The following TENM3 variants were observed in gnomAD, a reference collection of about 807,000 sequenced individuals.
The protein encoded by TENM3 is teneurin-3.
Under a neutral mutation model 255.1 loss-of-function variants are expected in TENM3, and 63 were observed. That is an observed-to-expected ratio of 0.25 (90% CI 0.20 to 0.30). The LOEUF (loss-of-function observed/expected upper bound fraction) is 0.30, where lower values mean the gene tolerates loss of function less well. Among genes scored for constraint, TENM3 ranks in the 10% least tolerant of loss-of-function variants. TENM3 has a pLI of 1.00. For missense variants in TENM3, 2,929 were observed against 3,461.1 expected, an observed-to-expected ratio of 0.85 and a Z score of 3.86; for synonymous variants, 1,306 against 1,322.3, an observed-to-expected ratio of 0.99 and a Z score of 0.27.
intron 3 of TENM3, among the ~76,000 whole-genome samples, chr4:182,391,799 C>T (rs376586842): frequency 3.3e-5 from 5 of 152,126 alleles, no homozygotes; most frequent in Non-Finnish European, 5.9e-5. Context: ...TATTGACTAA[C>T]GCCATAGTGA....
At chr4:181,674,348 T>C in the TENM3 span, among the ~76,000 whole-genome samples, 52 of 152,100 alleles carry the variant, frequency 3.4e-4, no homozygotes, top group African/African-American at 1.2e-3. Flanking sequence ...GCAATAATAA[T>C]CTTATTAGTG....
intron 2 of TENM3, among the ~76,000 whole-genome samples, chr4:182,328,085 C>G (rs1763524799): frequency 6.6e-6 from 1 of 152,184 alleles, no homozygotes; most frequent in South Asian, 2.1e-4. Flanking sequence ...CTTTGGGGCC[C>G]TAACCCAAAG....
intron 6 of TENM3, among the ~76,000 whole-genome samples, chr4:182,671,932 A>G (rs1424379135): frequency 1.3e-5 from 2 of 150,236 alleles, no homozygotes; most frequent in African/African-American, 4.8e-5. Flanking sequence ...CCCAGGCTGG[A>G]CTTTAACTCC....
At chr4:182,618,406 CTTAT>C (rs1026379337) in intron 4 of TENM3, among the ~76,000 whole-genome samples, 2 of 152,000 alleles carry the variant, frequency 1.3e-5, no homozygotes, top group African/African-American at 2.4e-5. Flanking sequence ...TGTATTATGA[CTTAT>C]TTAATTTTGT....
intron 25 of TENM3, among the ~76,000 whole-genome samples, chr4:182,791,524 A>C (rs1766101989): frequency 6.6e-6 from 1 of 152,236 alleles, no homozygotes; most frequent in South Asian, 2.1e-4. Flanking sequence ...TTTAGCACCA[A>C]AGCAGTATGT....
At chr4:181,780,805 G>A in the TENM3 span, among the ~76,000 whole-genome samples, 12 of 152,204 alleles carry the variant, frequency 7.9e-5, no homozygotes, top group African/African-American at 2.9e-4. Context: ...TGTATAAGGT[G>A]TAAGGAAGGG....
chr4:181,798,912 G>T, the TENM3 span, among the ~76,000 whole-genome samples: 1 of 152,156 alleles, frequency 6.6e-6, no homozygotes, highest in Admixed American at 6.5e-5. Flanking sequence ...GAAAATACCA[G>T]AAAAGGAAAC....
At chr4:182,516,533 T>A (rs1737968201) in intron 3 of TENM3, among the ~76,000 whole-genome samples, 1 of 148,402 alleles carries the variant, frequency 6.7e-6, no homozygotes, top group Non-Finnish European at 1.5e-5. Context: ...TATTACGAAT[T>A]TTTTTTAGAG....
At chr4:181,568,510 C>A in the TENM3 span, among the ~76,000 whole-genome samples, 1 of 152,108 alleles carries the variant, frequency 6.6e-6, no homozygotes, top group African/African-American at 2.4e-5. Context: ...TCTTTTACTG[C>A]TACCATCTTG....
chr4:182,244,518 G>C (rs1461307630), intron 1 of TENM3, among the ~76,000 whole-genome samples: 1 of 152,168 alleles, frequency 6.6e-6, no homozygotes, highest in African/African-American at 2.4e-5. Flanking sequence ...CAGCCTCCAG[G>C]GTAGCTAATG....
chr4:181,542,115 A>G, the TENM3 span, among the ~76,000 whole-genome samples: 105 of 152,346 alleles, frequency 6.9e-4, 1 homozygote, highest in African/African-American at 2.1e-3. Flanking sequence ...ATGTAAAGGA[A>G]CAAGATATTT....
At chr4:182,441,622 C>G (rs1772494781) in intron 3 of TENM3, among the ~76,000 whole-genome samples, 1 of 152,192 alleles carries the variant, frequency 6.6e-6, no homozygotes, top group African/African-American at 2.4e-5. Context: ...CTCAGCCTCC[C>G]TAGTAGCTGG....
At chr4:181,924,822 T>C in the TENM3 span, among the ~76,000 whole-genome samples, 1 of 152,222 alleles carries the variant, frequency 6.6e-6, no homozygotes, top group African/African-American at 2.4e-5. Flanking sequence ...TGGGGTTCTC[T>C]TCTCTACTCA....
chr4:182,269,598 C>G (rs1181241372), intron 1 of TENM3, among the ~76,000 whole-genome samples: 1 of 151,978 alleles, frequency 6.6e-6, no homozygotes, highest in Non-Finnish European at 1.5e-5. Flanking sequence ...CCCTGCTTGA[C>G]TTCCTCTCCA....
At chr4:182,114,924 A>G in the TENM3 span, among the ~76,000 whole-genome samples, 1 of 152,160 alleles carries the variant, frequency 6.6e-6, no homozygotes, top group African/African-American at 2.4e-5. Flanking sequence ...GCTCATGCCT[A>G]TAATTCCAGC....
At chr4:182,560,661 A>G (rs774913560) in intron 3 of TENM3, among the ~76,000 whole-genome samples, 13 of 152,334 alleles carry the variant, frequency 8.5e-5, no homozygotes, top group Non-Finnish European at 1.9e-4. Context: ...ACCGACAAGT[A>G]TCACATCTGT....
In TENM3 at chr4:182,600,897, C is replaced by CTTT. The variant is rs548783934; in HGVS notation, c.512-6_512-4dup. ...TATATATATATAATGAGTTCTCTTT[C>CTTT]TTTTTTTTTTTTTTTTTTTTTTTCA... On this transcript the variant is annotated intron_variant, in intron 3 of 27. Coordinates refer to ENST00000511685, the MANE Select transcript of TENM3 (RefSeq NM_001080477.4). 3.5e-3 allele frequency: 1,714 copies of CTTT among 494,832 alleles called. 4 individuals are homozygous for CTTT. The highest frequency in any genetic ancestry group is 4.4e-3 in the African/African-American group (133 of 30,358). 30.7% of individuals were successfully genotyped at this position (494,832 alleles called of 1,614,324 possible).
chr4:181,919,137 C>A, the TENM3 span, among the ~76,000 whole-genome samples: 6 of 152,106 alleles, frequency 3.9e-5, no homozygotes, highest in African/African-American at 1.4e-4. Context: ...GTTGTGGTAC[C>A]ATGATACCAG....
chr4:182,134,932 G>A, the TENM3 span, among the ~76,000 whole-genome samples: 13 of 152,158 alleles, frequency 8.5e-5, no homozygotes, highest in African/African-American at 2.9e-4. Flanking sequence ...GTTTGGCCAG[G>A]TGCAGTGGCT....
Sources: gnomAD v4.1 joint callset for allele counts (sites outside exome capture counted in the v4.1 genomes callset) on GRCh38, gnomAD v4.1.1 for gene constraint, MANE v1.5 for transcripts, NCBI Gene and HGNC (gene_info 2026-07-23, HGNC 2026-07-21) for gene names.